Variants in CYP4Z1 observed in about 807,000 individuals in gnomAD.
CYP4Z1 encodes cytochrome P450 family 4 subfamily Z member 1.
In CYP4Z1, 41 loss-of-function variants were observed where a neutral mutation model predicts 54.2. The observed-to-expected ratio is 0.76, with a 90% CI of 0.59 to 0.98. CYP4Z1 has a LOEUF of 0.98. Among genes scored for constraint, CYP4Z1 ranks in the 50% least tolerant of loss-of-function variants. The pLI, the probability that CYP4Z1 is intolerant of heterozygous loss-of-function variation, is 0.00. For missense variants in CYP4Z1, 513 were observed against 599.0 expected (o/e 0.86, Z 1.50); for synonymous variants, 163 against 206.2 (o/e 0.79, Z 1.79).
At chr1:47,060,244 T>A in the CYP4Z1 span, among the ~76,000 whole-genome samples, 20 of 152,266 alleles carry the variant, frequency 1.3e-4, no homozygotes, top group Non-Finnish European at 2.6e-4. Context: ...GGGCTAAATG[T>A]CCCACTTAAA....
upstream of CYP4Z1, among the ~76,000 whole-genome samples, chr1:47,063,942 G>C (rs1178146294): frequency 6.6e-6 from 1 of 152,128 alleles, no homozygotes; most frequent in East Asian, 1.9e-4. Context: ...ATAGCCATCA[G>C]GTTATCTGAA....
chr1:47,060,840 TC>T, the CYP4Z1 span, among the ~76,000 whole-genome samples: 1 of 151,962 alleles, frequency 6.6e-6, no homozygotes, highest in Non-Finnish European at 1.5e-5. Flanking sequence ...AGAACCAAAA[TC>T]ATACCAAACA....
chr1:47,060,374 G>A, the CYP4Z1 span, among the ~76,000 whole-genome samples: 5 of 152,100 alleles, frequency 3.3e-5, no homozygotes, highest in South Asian at 2.1e-4. Flanking sequence ...AAAATCTACC[G>A]AGCAAATGGA....
chr1:47,067,414 T>C lies in CYP4Z1; in HGVS notation c.-77T>C. On this transcript the variant is annotated 5_prime_UTR_variant, in exon 1 of 12. Coordinates refer to ENST00000334194, the MANE Select transcript of CYP4Z1 (RefSeq NM_178134.3). ...CCAGTGTTGCCCAGGGGGCATCTCC[T>C]TTGTGTTTATGAGAGACCTGCATTC... 7.6e-7 allele frequency: 1 copy of C among 1,318,722 alleles called. No homozygotes were observed. Among genetic ancestry groups the C allele is most frequent in the Non-Finnish European group, 1.0e-6 (1 of 998,098 alleles). The allele number at this position is 1,318,722 out of a possible 1,614,324, so 81.7% of individuals were successfully genotyped here.
At chr1:47,103,813 CT>C (rs1394970236) in intron 8 of CYP4Z1, among the ~76,000 whole-genome samples, 1 of 151,998 alleles carries the variant, frequency 6.6e-6, no homozygotes, top group Non-Finnish European at 1.5e-5. Flanking sequence ...CCAGGCTGGC[CT>C]CAAACTCTTG....
At chr1:47,090,252 T>G (rs1190687661) in intron 6 of CYP4Z1, among the ~76,000 whole-genome samples, 1 of 152,204 alleles carries the variant, frequency 6.6e-6, no homozygotes, top group Non-Finnish European at 1.5e-5. Context: ...TAACTATTAC[T>G]CCTGCCATAA....
chr1:47,076,832 C>T (rs1221344643), intron 2 of CYP4Z1, among the ~76,000 whole-genome samples: 1 of 75,728 alleles, frequency 1.3e-5, no homozygotes, highest in Admixed American at 1.5e-4. Context: ...GCGACAGAGC[C>T]AGACGCTGTC....
intron 9 of CYP4Z1, among the ~76,000 whole-genome samples, chr1:47,108,191 T>C (rs1289791581): frequency 1.3e-5 from 2 of 152,176 alleles, no homozygotes; most frequent in East Asian, 3.9e-4. Flanking sequence ...TCTCATTTCC[T>C]GTTACCCTGC....
At chr1:47,057,740 G>A in the CYP4Z1 span, among the ~76,000 whole-genome samples, 2 of 151,534 alleles carry the variant, frequency 1.3e-5, no homozygotes, top group Admixed American at 1.3e-4. Context: ...AAAATCATTT[G>A]TAAATATTTA....
At chr1:47,082,973 A>G (rs1644565769) in intron 4 of CYP4Z1, among the ~76,000 whole-genome samples, 1 of 152,136 alleles carries the variant, frequency 6.6e-6, no homozygotes, top group Admixed American at 6.5e-5. Context: ...TCACAAGACA[A>G]TCTAAAACCC....
chr1:47,115,691 G>C, intron 10 of CYP4Z1, 98 bp downstream of exon 10: 1 of 1,184,428 alleles, frequency 8.4e-7, no homozygotes, highest in Non-Finnish European at 1.2e-6. Context: ...ATAACGATCT[G>C]TCATTTAGAA....
chr1:47,106,082 T>A (rs765380959), intron 8 of CYP4Z1, 46 bp from the exon 9 acceptor site: 227 of 1,588,946 alleles, frequency 1.4e-4, no homozygotes, highest in Non-Finnish European at 1.4e-4. Context: ...GTGCAATGCC[T>A]AAGTGACTAC....
intron 4 of CYP4Z1, 105 bp from the exon 5 acceptor site, chr1:47,084,515 G>A (rs1036091913): frequency 4.8e-5 from 73 of 1,508,462 alleles, no homozygotes; most frequent in Middle Eastern, 1.9e-4. Context: ...CATTTTGTAC[G>A]CTTTATATTT....
chr1:47,098,520 C>T (rs1195002347), intron 7 of CYP4Z1, among the ~76,000 whole-genome samples: 2 of 152,290 alleles, frequency 1.3e-5, no homozygotes, highest in Non-Finnish European at 2.9e-5. Flanking sequence ...GGTAATACTA[C>T]TATTTTCCTT....
intron 8 of CYP4Z1, among the ~76,000 whole-genome samples, chr1:47,100,212 T>C (rs1427573513): frequency 1.3e-5 from 2 of 152,216 alleles, no homozygotes; most frequent in Non-Finnish European, 2.9e-5. Flanking sequence ...CATTCCTCTA[T>C]GGAATTCCGT....
At chr1:47,074,057 C>T (rs1364230564) in intron 2 of CYP4Z1, among the ~76,000 whole-genome samples, 2 of 152,112 alleles carry the variant, frequency 1.3e-5, no homozygotes, top group Non-Finnish European at 2.9e-5. Context: ...ATTTTTTCTT[C>T]TAAGAGTTTT....
In CYP4Z1 at chr1:47,094,548, C is replaced by G. The variant is rs1644662587; in HGVS notation, c.773-18C>G. 6.9e-7 allele frequency: 1 copy of G among 1,458,070 alleles called. No homozygotes were observed. Among genetic ancestry groups the G allele is most frequent in the South Asian group, 1.2e-5 (1 of 81,458 alleles). 90.3% of individuals were successfully genotyped at this position (1,458,070 alleles called of 1,614,324 possible). A position where few individuals can be genotyped will look rare whatever the true frequency, so the allele number is the denominator to read the frequency against. On this transcript the variant is annotated intron_variant, in intron 6 of 11. Transcript: ENST00000334194. ...CAGTAACCTTGATAATAACAAAGAT[C>G]ATAATTTTTCCATCTAGAGAAAGTA...
intron 2 of CYP4Z1, among the ~76,000 whole-genome samples, chr1:47,069,026 C>T (rs1430220348): frequency 3.3e-5 from 5 of 152,206 alleles, no homozygotes; most frequent in Non-Finnish European, 7.3e-5. Context: ...ATTTACTTAC[C>T]TCAGACCCCC....
At chr1:47,070,910 AC>A (rs1419149625) in intron 2 of CYP4Z1, among the ~76,000 whole-genome samples, 6 of 130,942 alleles carry the variant, frequency 4.6e-5, no homozygotes, top group Non-Finnish European at 8.0e-5. Context: ...TCACATACCC[AC>A]CAGCAATGCA....
Sources: gnomAD v4.1 joint callset for allele counts (sites outside exome capture counted in the v4.1 genomes callset) on GRCh38, gnomAD v4.1.1 for gene constraint, MANE v1.5 for transcripts, NCBI Gene and HGNC (gene_info 2026-07-23, HGNC 2026-07-21) for gene names.